The following MAP4K4 variants were observed in gnomAD, a reference collection of about 807,000 sequenced individuals.
MAP4K4 encodes the protein HPK/GCK-like kinase HGK.
In MAP4K4, 38 loss-of-function variants were observed where a neutral mutation model predicts 189.6. The ratio of observed to expected loss-of-function variants is 0.20; its 90% CI spans 0.15 to 0.26. MAP4K4 has a LOEUF of 0.26. Among genes scored for constraint, MAP4K4 ranks in the 10% least tolerant of loss-of-function variants. The pLI, the probability that MAP4K4 is intolerant of heterozygous loss-of-function variation, is 1.00. For synonymous variants in MAP4K4, 610 were observed against 624.3 expected, an observed-to-expected ratio of 0.98 and a Z score of 0.34; for missense variants, 1,054 against 1,726.9, an observed-to-expected ratio of 0.61 and a Z score of 6.91.
intron 20 of MAP4K4, chr2:101,867,676 T>G: frequency 5.3e-6 from 2 of 374,996 alleles, no homozygotes; most frequent in Non-Finnish European, 9.5e-6. Flanking sequence ...ATCTCTTTCT[T>G]GGCATTAACC....
At chr2:101,698,096 C>G in exon 1 of MAP4K4, 3 of 1,322,596 alleles carry the variant, frequency 2.3e-6, no homozygotes, top group Non-Finnish European at 3.0e-6. Context: ...GAACGACTCC[C>G]CTGCAAAAAG....
intron 9 of MAP4K4, 89 bp from the exon 10 acceptor site, chr2:101,839,720 TTCTGAAGCTC>T: frequency 1.1e-6 from 1 of 881,436 alleles, no homozygotes. Flanking sequence ...TCACAGTGAA[TTCTGAAGCTC>T]TTCTTTATGT....
intron 24 of MAP4K4, 52 bp from the exon 25 acceptor site, chr2:101,873,595 G>C: frequency 1.1e-6 from 1 of 948,488 alleles, no homozygotes; most frequent in Non-Finnish European, 1.7e-6. Context: ...TATTTTTAAT[G>C]TTCATTTTTA....
At chr2:101,757,872 T>A (rs1252292359) in intron 2 of MAP4K4, among the ~76,000 whole-genome samples, 1 of 151,612 alleles carries the variant, frequency 6.6e-6, no homozygotes, top group African/African-American at 2.4e-5. Flanking sequence ...ATAGAAAAAA[T>A]TATTTTTACA....
chr2:101,869,827 G>C (rs1379591948), intron 22 of MAP4K4, 30 bp downstream of exon 22: 5 of 1,493,024 alleles, frequency 3.3e-6, no homozygotes, highest in Non-Finnish European at 4.5e-6. Context: ...TAGAGCGGAT[G>C]AGAGTATTCT....
At chr2:101,840,204 C>T (rs2096873721) in intron 10 of MAP4K4, among the ~76,000 whole-genome samples, 1 of 152,116 alleles carries the variant, frequency 6.6e-6, no homozygotes, top group African/African-American at 2.4e-5. Context: ...ACCAAGCTTA[C>T]AGCAAATAGA....
At chr2:101,787,403 T>C (rs1443967433) in intron 2 of MAP4K4, among the ~76,000 whole-genome samples, 4 of 152,188 alleles carry the variant, frequency 2.6e-5, no homozygotes, top group Non-Finnish European at 5.9e-5. Flanking sequence ...GTTACGTGCA[T>C]TTTCATTTTC....
exon 11 of MAP4K4, chr2:101,842,660 C>G (rs1444787842): frequency 6.2e-7 from 1 of 1,608,492 alleles, no homozygotes; most frequent in Non-Finnish European, 8.5e-7. Flanking sequence ...GAGGAAGTGC[C>G]TGAACAGGAA....
chr2:101,848,212 T>C (rs2097170315), intron 12 of MAP4K4, among the ~76,000 whole-genome samples: 1 of 152,234 alleles, frequency 6.6e-6, no homozygotes, highest in African/African-American at 2.4e-5. Context: ...GATTACTTAA[T>C]ACCAAGTACA....
chr2:101,745,400 G>T (rs2064912767), intron 2 of MAP4K4, among the ~76,000 whole-genome samples: 2 of 118,334 alleles, frequency 1.7e-5, no homozygotes, highest in African/African-American at 7.4e-5. Context: ...TCTGGTCTCT[G>T]GTGATTTCCT....
intron 15 of MAP4K4, chr2:101,860,182 G>A: frequency 2.5e-6 from 1 of 404,808 alleles, no homozygotes; most frequent in South Asian, 2.4e-5. Context: ...GTGGTCTGAT[G>A]AACTATTCTG....
intron 8 of MAP4K4, among the ~76,000 whole-genome samples, chr2:101,835,270 T>G (rs2096716424): frequency 6.6e-6 from 1 of 152,208 alleles, no homozygotes; most frequent in Non-Finnish European, 1.5e-5. Context: ...CTCTCCTCAT[T>G]GCCCAGATGC....
At chr2:101,882,426 T>G (rs1658478344) in intron 27 of MAP4K4, 125 bp from the exon 28 acceptor site, 2 of 625,862 alleles carry the variant, frequency 3.2e-6, no homozygotes, top group South Asian at 3.2e-5. Context: ...CTCCAACTTG[T>G]GACTTGCCTT....
intron 2 of MAP4K4, among the ~76,000 whole-genome samples, chr2:101,713,826 G>C (rs1008579822): frequency 1.3e-5 from 2 of 148,974 alleles, no homozygotes. Context: ...CCCGGGAGAC[G>C]GAGGTAGCAG....
At chr2:101,754,772 A>G (rs529041448) in intron 2 of MAP4K4, among the ~76,000 whole-genome samples, 10 of 151,984 alleles carry the variant, frequency 6.6e-5, no homozygotes, top group Non-Finnish European at 1.5e-5. Flanking sequence ...AGAAATGCCA[A>G]CTCCTCAGTC....
chr2:101,726,130 C>T (rs1444224264), intron 2 of MAP4K4, among the ~76,000 whole-genome samples: 1 of 152,218 alleles, frequency 6.6e-6, no homozygotes, highest in East Asian at 1.9e-4. Flanking sequence ...TCATCTCTTA[C>T]TCTTTACTGT....
chr2:101,806,560 A>G (rs1452150388), intron 3 of MAP4K4, among the ~76,000 whole-genome samples: 1 of 151,952 alleles, frequency 6.6e-6, no homozygotes, highest in African/African-American at 2.4e-5. Context: ...ATATATTTTT[A>G]GTAGAGACAG....
At chr2:101,808,307 C>T (rs1005985187) in intron 3 of MAP4K4, among the ~76,000 whole-genome samples, 1 of 152,180 alleles carries the variant, frequency 6.6e-6, no homozygotes, top group African/African-American at 2.4e-5. Flanking sequence ...GACCCTGCGT[C>T]TTCCTTATAG....
chr2:101,813,880 A>G (rs1193031494), intron 3 of MAP4K4, among the ~76,000 whole-genome samples: 1 of 152,204 alleles, frequency 6.6e-6, no homozygotes, highest in Non-Finnish European at 1.5e-5. Context: ...ATCTTGGTCA[A>G]GTGTAGTAGT....
Sources: allele counts gnomAD v4.1 joint callset (sites outside exome capture counted in the v4.1 genomes callset), GRCh38; gene constraint gnomAD v4.1.1; transcripts MANE v1.5; gene names NCBI Gene and HGNC (gene_info 2026-07-23, HGNC 2026-07-21).